PCDH9: variants seen among roughly 807,000 people sequenced by gnomAD.
The protein encoded by PCDH9 is protocadherin 9.
PCDH9 carries 24 observed loss-of-function variants against 70.6 expected under a neutral mutation model. The observed-to-expected ratio is 0.34, with a 90% CI of 0.25 to 0.48. The LOEUF (loss-of-function observed/expected upper bound fraction) is 0.48, where lower values mean the gene tolerates loss of function less well. Among genes scored for constraint, PCDH9 ranks in the 20% least tolerant of loss-of-function variants. The probability of loss-of-function intolerance (pLI) is 0.99; values close to 1 mark genes in which losing one functional copy is unlikely to be tolerated. For missense variants in PCDH9, 1,281 were observed against 1,503.6 expected, an observed-to-expected ratio of 0.85 and a Z score of 2.45; for synonymous variants, 562 against 558.5, an observed-to-expected ratio of 1.01 and a Z score of -0.09.
chr13:66,761,484 A>AT (rs2079626950), intron 3 of PCDH9, among the ~76,000 whole-genome samples: 3 of 151,842 alleles, frequency 2.0e-5, no homozygotes, highest in Middle Eastern at 3.4e-3. Context: ...ATCACTTGAA[A>AT]TTTTTTTCTT....
In PCDH9 at chr13:67,226,795, G is replaced by T. The variant is rs879182916; in HGVS notation, c.1646C>A (p.Thr549Asn). The part of the protein sequence containing the change: ...IFTVTARDNG[T>N]PPLQSQAAVI... ...AGCCGCTTGGCTTTGGAGGGGAGGGGTCCCATTGTCCCTGGCAGTTACTGT... is the reference window on the plus strand; with the variant it reads ...AGCCGCTTGGCTTTGGAGGGGAGGGTTCCCATTGTCCCTGGCAGTTACTGT... Residue 549 changes from threonine (T) to asparagine (N), a missense_variant, in exon 2 of 5, where the codon ACC (threonine) becomes AAC (asparagine). Around this residue, in one of 4 missense-constraint regions of PCDH9, gnomAD observed 798 missense variants for 1,003.1 expected, o/e 0.80. Coordinates refer to ENST00000377865, the MANE Select transcript of PCDH9 (RefSeq NM_203487.3). This position sits in a 1 kb window ranked among gnomAD's most constrained non-coding sequence, Gnocchi z 5.0. The T allele has an allele frequency of 2.5e-6, 4 of 1,613,980 alleles. No individual in the cohort carries two copies. Among genetic ancestry groups the T allele is most frequent in the Non-Finnish European group, 1.7e-6 (2 of 1,179,926 alleles).
chr13:66,533,269 T>C (rs1283088125), intron 4 of PCDH9, among the ~76,000 whole-genome samples: 2 of 152,298 alleles, frequency 1.3e-5, no homozygotes, highest in South Asian at 2.1e-4. Context: ...ATACCATTCA[T>C]ACATTGTACT....
chr13:66,686,395 C>T (rs1376329848), intron 3 of PCDH9, among the ~76,000 whole-genome samples: 1 of 152,150 alleles, frequency 6.6e-6, no homozygotes, highest in East Asian at 1.9e-4. Flanking sequence ...CCCAACCATG[C>T]AGAACTTTGA....
intron 4 of PCDH9, among the ~76,000 whole-genome samples, chr13:66,407,594 C>T (rs955104992): frequency 5.3e-5 from 8 of 152,214 alleles, no homozygotes; most frequent in African/African-American, 1.9e-4. Context: ...ACATCTTAAA[C>T]ACTTCACTTC....
At chr13:66,353,176 A>AT (rs377049111) in intron 4 of PCDH9, among the ~76,000 whole-genome samples, 1 of 152,220 alleles carries the variant, frequency 6.6e-6, no homozygotes, top group African/African-American at 2.4e-5. Context: ...CTTAAAATAC[A>AT]TTTTTCCAGC....
intron 4 of PCDH9, among the ~76,000 whole-genome samples, chr13:66,393,984 A>G (rs910689493): frequency 6.6e-6 from 1 of 152,222 alleles, no homozygotes; most frequent in Non-Finnish European, 1.5e-5. Context: ...TTGAGATTAT[A>G]CTATGACTGA....
chr13:67,176,276 T>C (rs2088452929), intron 2 of PCDH9, among the ~76,000 whole-genome samples: 1 of 152,138 alleles, frequency 6.6e-6, no homozygotes, highest in South Asian at 2.1e-4. Context: ...ATAAGTGGTG[T>C]TCCAATTATT....
At chr13:66,419,417 A>G (rs1383994958) in intron 4 of PCDH9, among the ~76,000 whole-genome samples, 2 of 151,904 alleles carry the variant, frequency 1.3e-5, no homozygotes, top group African/African-American at 2.4e-5. Context: ...AGACAAACCC[A>G]GAAGGTGGGT....
At chr13:66,575,564 C>T (rs554308415) in intron 4 of PCDH9, among the ~76,000 whole-genome samples, 1 of 152,292 alleles carries the variant, frequency 6.6e-6, no homozygotes, top group East Asian at 1.9e-4. Flanking sequence ...ACGCTCCAAA[C>T]ACATTGCATT....
intron 2 of PCDH9, among the ~76,000 whole-genome samples, chr13:66,943,368 T>C (rs978436334): frequency 6.6e-6 from 1 of 152,010 alleles, no homozygotes; most frequent in Admixed American, 6.6e-5. Flanking sequence ...CAATGAAAGA[T>C]TAGTAAATCT....
At chr13:66,686,528 TTAAAA>T (rs2078404798) in intron 3 of PCDH9, among the ~76,000 whole-genome samples, 1 of 152,206 alleles carries the variant, frequency 6.6e-6, no homozygotes, top group Non-Finnish European at 1.5e-5. Flanking sequence ...ATATTTGTAA[TTAAAA>T]TAAAGTAACA....
intron 4 of PCDH9, among the ~76,000 whole-genome samples, chr13:66,501,745 A>G (rs796202979): frequency 3.9e-5 from 6 of 152,236 alleles, no homozygotes; most frequent in African/African-American, 1.4e-4. Context: ...TAAAAAAATC[A>G]AACTGACCAA....
chr13:66,671,349 G>C (rs114777072), intron 3 of PCDH9, among the ~76,000 whole-genome samples: 1 of 152,154 alleles, frequency 6.6e-6, no homozygotes, highest in Non-Finnish European at 1.5e-5. Context: ...ATGTGGAAGC[G>C]ACACTGGAAC....
intron 4 of PCDH9, among the ~76,000 whole-genome samples, chr13:66,387,480 G>A (rs938204002): frequency 6.6e-6 from 1 of 151,266 alleles, no homozygotes; most frequent in African/African-American, 2.4e-5. Context: ...CCCATGAACG[G>A]CTTGGTGCCA....
chr13:66,928,702 T>A (rs995984407), intron 2 of PCDH9, among the ~76,000 whole-genome samples: 9 of 152,096 alleles, frequency 5.9e-5, no homozygotes, highest in Non-Finnish European at 1.0e-4. Flanking sequence ...ATGTCTGATC[T>A]AGGAAGCAGG....
At position 66,366,196 on chromosome 13, in the gene PCDH9, C is replaced by A. The variant is rs535843759; in HGVS notation, c.3341-61168G>T. ...ATGATTTATTGGCTTCTTTTAATCC[C>A]ATTAGTTTATTTTTAAAAATCTTTT... is the stretch of plus-strand genomic sequence containing the variant. On this transcript the variant is annotated intron_variant, in intron 4 of 4. Transcript: ENST00000377865. Among the ~76,000 whole-genome samples, 6 of 151,956 alleles carry A rather than the reference C, an allele frequency of 3.9e-5. No homozygotes were observed. The East Asian group carries it at 1.2e-3, about 29-fold the overall frequency.
intron 3 of PCDH9, among the ~76,000 whole-genome samples, chr13:66,890,851 T>C (rs2082084971): frequency 6.6e-6 from 1 of 152,110 alleles, no homozygotes; most frequent in African/African-American, 2.4e-5. Flanking sequence ...CTTGTCTGTT[T>C]AACTCTGTCA....
At chr13:66,399,847 C>G (rs1037813768) in intron 4 of PCDH9, among the ~76,000 whole-genome samples, 1 of 151,914 alleles carries the variant, frequency 6.6e-6, no homozygotes, top group Non-Finnish European at 1.5e-5. Context: ...AACAAATAAA[C>G]AAAACCCACC....
intron 3 of PCDH9, among the ~76,000 whole-genome samples, chr13:66,874,530 T>G (rs1047561892): frequency 1.3e-5 from 2 of 152,168 alleles, no homozygotes; most frequent in African/African-American, 4.8e-5. Flanking sequence ...CAGTCTAAAC[T>G]AGAGGCAGGG....
Sources: allele counts gnomAD v4.1 joint callset (sites outside exome capture counted in the v4.1 genomes callset), GRCh38; gene constraint gnomAD v4.1.1; regional missense constraint gnomAD v4.1.1; non-coding constraint Gnocchi (gnomAD v3.1); transcripts MANE v1.5; gene names NCBI Gene and HGNC (gene_info 2026-07-23, HGNC 2026-07-21).